Variants in SERPINF1 observed in about 807,000 individuals in gnomAD.
SERPINF1 encodes the protein pigment epithelium-derived factor.
In SERPINF1, 29 loss-of-function variants were observed where a neutral mutation model predicts 37.3. The ratio of observed to expected loss-of-function variants is 0.78; its 90% CI spans 0.58 to 1.06. SERPINF1 has a LOEUF of 1.06. SERPINF1 is among the 50% of genes least tolerant of loss of function. The pLI, the probability that SERPINF1 is intolerant of heterozygous loss-of-function variation, is 0.00. For synonymous variants in SERPINF1, 281 were observed against 227.9 expected (o/e 1.23, Z -2.10); for missense variants, 553 against 532.2 (o/e 1.04, Z -0.38).
intron 5 of SERPINF1, among the ~76,000 whole-genome samples, chr17:1,773,667 T>TA (rs762752412): frequency 1.1e-4 from 17 of 152,230 alleles, no homozygotes; most frequent in Admixed American, 5.2e-4. Flanking sequence ...ATCTACTTCA[T>TA]AGACACCTTT....
Position 1,776,536 on chromosome 17 carries a change from C to T in SERPINF1, c.791C>T (p.Ala264Val). 1 of 1,613,982 alleles carries T rather than the reference C, an allele frequency of 6.2e-7. No homozygotes were observed. The change falls in exon 7 of 8, where the codon GCC becomes GTC. Residue 264 changes from alanine to valine, a missense_variant. Coordinates refer to ENST00000254722, the MANE Select transcript of SERPINF1 (RefSeq NM_002615.7). Reference protein sequence around the residue: ...GLDSDLSCKIAQLPLTGSMSI... With the variant: ...GLDSDLSCKIVQLPLTGSMSI... ...ATGCTTTCTCACTTGTCTCAGATTG[C>T]CCAGCTGCCCTTGACCGGAAGCATG...
rs1908102524 is a variant in SERPINF1, at chr17:1,777,319, T to C, written c.1130T>C (p.Leu377Pro). 6.2e-7 allele frequency: 1 copy of C among 1,614,020 alleles called. No individual in the cohort carries two copies. Among genetic ancestry groups the C allele is most frequent in the African/African-American group, 1.3e-5 (1 of 74,924 alleles). The change falls in exon 8 of 8, where the codon CTG (leucine) becomes CCG (proline). Residue 377 changes from leucine (L) to proline (P), a missense_variant. Transcript: ENST00000254722. ...GCGGGAACCACCCCCAGCCCAGGGC[T>C]GCAGCCTGCCCACCTCACCTTCCCG... ...DGAGTTPSPGLQPAHLTFPLD... is the reference protein window; with the variant it reads ...DGAGTTPSPGPQPAHLTFPLD...
At chr17:1,772,773 C>T (rs1257443132) in intron 5 of SERPINF1, among the ~76,000 whole-genome samples, 3 of 143,894 alleles carry the variant, frequency 2.1e-5, no homozygotes, top group Non-Finnish European at 4.6e-5. Context: ...GTCTCGATCT[C>T]CTGACCTCGT....
At chr17:1,772,649 T>C (rs1907821553) in intron 5 of SERPINF1, among the ~76,000 whole-genome samples, 1 of 151,536 alleles carries the variant, frequency 6.6e-6, no homozygotes, top group African/African-American at 2.4e-5. Context: ...AGCTCTGCCT[T>C]CCAGGTTCAC....
intron 2 of SERPINF1, among the ~76,000 whole-genome samples, chr17:1,767,584 G>C (rs541252449): frequency 6.6e-6 from 1 of 152,346 alleles, no homozygotes; most frequent in African/African-American, 2.4e-5. Flanking sequence ...AAAGGGCGCA[G>C]CTGGGTTCCC....
chr17:1,771,602 G>A (rs1248791551), intron 4 of SERPINF1: 2 of 512,222 alleles, frequency 3.9e-6, no homozygotes, highest in Non-Finnish European at 7.1e-6. Context: ...GGAAGGGCCC[G>A]TGAGCCCAAA....
chr17:1,763,642 TC>T (rs915027311), intron 1 of SERPINF1, among the ~76,000 whole-genome samples: 70 of 152,156 alleles, frequency 4.6e-4, no homozygotes, highest in African/African-American at 1.5e-3. Flanking sequence ...TCTCTCCTCT[TC>T]CCTTATCCAG....
rs115323421 is a variant in SERPINF1 at position 1,775,825 on chromosome 17, C to T, written c.786+625C>T. Among the ~76,000 whole-genome samples the T allele has an allele frequency of 7.8e-3, 1,181 of 152,344 alleles. 16 individuals carry two copies. Among genetic ancestry groups the T allele is most frequent in the African/African-American group, 0.027 (1,134 of 41,580 alleles). ...CAGGGATTCCAGGCATGAGCCACCA[C>T]GCTTGGCCAATCGTTGGCATTCTAA... On this transcript the variant is annotated intron_variant, in intron 6 of 7. Coordinates refer to ENST00000254722, the MANE Select transcript of SERPINF1 (RefSeq NM_002615.7).
intron 1 of SERPINF1, among the ~76,000 whole-genome samples, chr17:1,763,323 G>A (rs1907196755): frequency 6.6e-6 from 1 of 152,208 alleles, no homozygotes; most frequent in South Asian, 2.1e-4. Context: ...CGCCTCACGT[G>A]GAGGCAAGAT....
intron 5 of SERPINF1, among the ~76,000 whole-genome samples, chr17:1,772,876 G>A (rs573998433): frequency 6.6e-6 from 1 of 152,090 alleles, no homozygotes; most frequent in East Asian, 1.9e-4. Context: ...TTAAGAGACA[G>A]GGTGTCACTA....
chr17:1,777,037 A>C (rs1908079216), intron 7 of SERPINF1, 150 bp from the exon 8 acceptor site: 2 of 1,238,566 alleles, frequency 1.6e-6, no homozygotes, highest in East Asian at 4.6e-5. Flanking sequence ...CTCCTGGGCA[A>C]GTCACTCCAC....
At position 1,776,758 on chromosome 17, in the gene SERPINF1, C is replaced by T. The variant is rs1486150498; in HGVS notation, c.997+16C>T. On this transcript the variant is annotated intron_variant, in intron 7 of 7. Transcript: ENST00000254722. ...CAGGAGATGAGTATGTCTGAAGACC[C>T]TTTCGCTCTTGGTGGGTGGATGGGG... 1 of 1,612,394 alleles carries T rather than the reference C, an allele frequency of 6.2e-7. No individual in the cohort carries two copies. Among genetic ancestry groups the T allele is most frequent in the Non-Finnish European group, 8.5e-7 (1 of 1,178,992 alleles).
At chr17:1,774,507 T>A (rs1295640507) in intron 5 of SERPINF1, among the ~76,000 whole-genome samples, 1 of 152,160 alleles carries the variant, frequency 6.6e-6, no homozygotes, top group Admixed American at 6.5e-5. Context: ...CATTTTTGTA[T>A]TTTTAGTAGA....
At chr17:1,762,706 C>T (rs1907154771) in intron 1 of SERPINF1, 2 of 152,362 alleles carry the variant, frequency 1.3e-5, no homozygotes, top group Non-Finnish European at 2.9e-5. Flanking sequence ...AGCCCCCACC[C>T]ACTCTCTTTG....
intron 6 of SERPINF1, 53 bp from the exon 7 acceptor site, chr17:1,776,479 C>G: frequency 1.3e-6 from 2 of 1,558,198 alleles, no homozygotes; most frequent in South Asian, 2.2e-5. Flanking sequence ...CTGTGTCTGT[C>G]CCCGGCTTTT....
intron 1 of SERPINF1, among the ~76,000 whole-genome samples, chr17:1,763,332 A>G (rs1907197321): frequency 6.6e-6 from 1 of 152,240 alleles, no homozygotes; most frequent in Non-Finnish European, 1.5e-5. Flanking sequence ...TGGAGGCAAG[A>G]TCACAAAAGC....
In SERPINF1 at chr17:1,771,947, A is replaced by G. The variant is rs759552913; in HGVS notation, c.515A>G (p.Asn172Ser). Residue 172 changes from asparagine to serine, a missense_variant, in exon 5 of 8, where the codon AAC (asparagine) becomes AGC (serine). Physicochemically the swap from Asn to Ser is conservative, Grantham distance 46. Coordinates refer to ENST00000254722, the MANE Select transcript of SERPINF1 (RefSeq NM_002615.7). ...ACCAGGCCCAGAGTCCTGACGGGCAACCCTCGCTTGGACCTGCAAGAGATC... is the reference window on the plus strand; with the variant it reads ...ACCAGGCCCAGAGTCCTGACGGGCAGCCCTCGCTTGGACCTGCAAGAGATC... ...YGTRPRVLTG[N>S]PRLDLQEINN... 4 of 1,613,938 alleles carry G rather than the reference A, an allele frequency of 2.5e-6. No homozygotes were observed. Among genetic ancestry groups the G allele is most frequent in the South Asian group, 1.1e-5 (1 of 91,064 alleles).
intron 2 of SERPINF1, among the ~76,000 whole-genome samples, chr17:1,769,377 C>T (rs962136077): frequency 4.0e-5 from 6 of 151,130 alleles, no homozygotes; most frequent in Non-Finnish European, 7.4e-5. Context: ...CCACCGTACT[C>T]CAGCCTGAGC....
chr17:1,776,829 G>C, intron 7 of SERPINF1, 87 bp downstream of exon 7: 1 of 1,245,374 alleles, frequency 8.0e-7, no homozygotes, highest in Non-Finnish European at 1.2e-6. Context: ...CAGAACGCAA[G>C]GGCTCCACAG....
Sources: gnomAD v4.1 joint callset for allele counts (sites outside exome capture counted in the v4.1 genomes callset) on GRCh38, gnomAD v4.1.1 for gene constraint, MANE v1.5 for transcripts, NCBI Gene and HGNC (gene_info 2026-07-23, HGNC 2026-07-21) for gene names.